Variants in SOD2 observed in about 807,000 individuals in gnomAD.
SOD2 encodes superoxide dismutase 2, also known as superoxide dismutase [Mn], mitochondrial.
In SOD2, 11 loss-of-function variants were observed where a neutral mutation model predicts 27.0. The ratio of observed to expected loss-of-function variants is 0.41; its 90% CI spans 0.26 to 0.67. SOD2 has a LOEUF of 0.67. SOD2 is among the 30% of genes least tolerant of loss of function. The probability of loss-of-function intolerance (pLI) is 0.34; values close to 1 mark genes in which losing one functional copy is unlikely to be tolerated. For missense variants in SOD2, 250 were observed against 274.5 expected (o/e 0.91, Z 0.63); for synonymous variants, 105 against 103.0 (o/e 1.02, Z -0.12).
rs1779814847 is a variant in SOD2 at position 159,677,929 on chromosome 6, CTCTAGGTAGCT to C, written c.*4553_*4563del. 6.6e-6 allele frequency: 1 copy of C among 152,148 alleles called. No individual in the cohort carries two copies. Among genetic ancestry groups the C allele is most frequent in the Non-Finnish European group, 1.5e-5 (1 of 68,042 alleles). The allele number at this position is 152,148 out of a possible 1,614,324, so 9.4% of individuals were successfully genotyped here. On this transcript the variant is annotated 3_prime_UTR_variant, in exon 5 of 5. Transcript: ENST00000538183. Reference sequence around the variant, plus strand: ...AATGAAATGATTGGTGGCTGGGAGCCTCTAGGTAGCTTCAGGACGGGGGGCTGCTTACCAGA... The same window carrying C: ...AATGAAATGATTGGTGGCTGGGAGCCTCAGGACGGGGGGCTGCTTACCAGA...
chr6:159,755,313 C>T, intron 1 of SOD2: 1 of 1,614,242 alleles, frequency 6.2e-7, no homozygotes, highest in Non-Finnish European at 8.5e-7. Flanking sequence ...GAGGGCAACA[C>T]AACCGAAGAT....
At chr6:159,684,787 TATTTC>T in intron 4 of SOD2, 62 bp downstream of exon 4, 4 of 1,273,944 alleles carry the variant, frequency 3.1e-6, no homozygotes, top group Non-Finnish European at 3.2e-6. Context: ...TAGTTTTCCT[TATTTC>T]TAGTTGAATG....
chr6:159,745,700 A>G (rs1328772490), upstream of SOD2, among the ~76,000 whole-genome samples: 2 of 152,170 alleles, frequency 1.3e-5, no homozygotes, highest in African/African-American at 4.8e-5. Context: ...TATGTGATGG[A>G]TCAGATTTAG....
chr6:159,737,412 G>C (rs561763933), intron 1 of SOD2, among the ~76,000 whole-genome samples: 2 of 152,170 alleles, frequency 1.3e-5, no homozygotes, highest in South Asian at 2.1e-4. Context: ...TATTTTACTG[G>C]TTAGTATTAT....
rs374382735 is a variant in SOD2 at position 159,711,954 on chromosome 6, T to C, written c.-116+15175A>G. ...ACAACCACCACTCACATTGCTCTGA[T>C]CACCATAACCACCTCCATAACCACC... On this transcript the variant is annotated intron_variant, in intron 1 of 2. Transcript: ENST00000401980. 4.6e-3 allele frequency among the ~76,000 whole-genome samples: 464 copies of C among 100,578 alleles called. 7 individuals are homozygous for C. The highest frequency in any genetic ancestry group is 8.4e-3 in the African/African-American group (218 of 26,056). The allele number at this position is 100,578 out of a possible 152,430, so 66.0% of individuals were successfully genotyped here. A position where few individuals can be genotyped will look rare whatever the true frequency, so the allele number is the denominator to read the frequency against.
chr6:159,690,363 G>A (rs1039256743), intron 2 of SOD2, among the ~76,000 whole-genome samples: 2 of 151,564 alleles, frequency 1.3e-5, no homozygotes, highest in Non-Finnish European at 2.9e-5. Flanking sequence ...CTGGAAGGCC[G>A]AGGTGCGTGG....
chr6:159,753,986 T>C (rs1233832627), intron 1 of SOD2, among the ~76,000 whole-genome samples: 3 of 152,212 alleles, frequency 2.0e-5, no homozygotes, highest in African/African-American at 7.2e-5. Context: ...ATGGGCAGTT[T>C]TCAGCGATCT....
chr6:159,688,342 C>T (rs1780291187), intron 2 of SOD2, 100 bp from the exon 3 acceptor site: 4 of 728,850 alleles, frequency 5.5e-6, no homozygotes, highest in African/African-American at 1.8e-5. Context: ...GATAATGGGA[C>T]CAGCTTATCT....
At chr6:159,741,443 A>G (rs1779249598) in intron 1 of SOD2, 1 of 152,208 alleles carries the variant, frequency 6.6e-6, no homozygotes, top group Admixed American at 6.5e-5. Flanking sequence ...ATTCTACATA[A>G]TGAGGCACAT....
At chr6:159,718,179 G>T (rs1314226088) in intron 1 of SOD2, among the ~76,000 whole-genome samples, 1 of 151,694 alleles carries the variant, frequency 6.6e-6, no homozygotes, top group Non-Finnish European at 1.5e-5. Flanking sequence ...TTTTGTAGAG[G>T]TGGGGTCTCA....
chr6:159,712,400 AC>A lies in SOD2; in HGVS notation c.-116+14728del, dbSNP rs774520130. 8.7e-4 allele frequency among the ~76,000 whole-genome samples: 84 copies of A among 96,064 alleles called. 1 individual carries two copies. The highest frequency in any genetic ancestry group is 1.1e-3 in the Non-Finnish European group (48 of 44,536). The allele number at this position is 96,064 out of a possible 152,430, so 63.0% of individuals were successfully genotyped here. On this transcript the variant is annotated intron_variant, in intron 1 of 2. Transcript: ENST00000401980. ...ATAACCACCTCCATAACCACCACTCACACTGCTCTGATCACCATAACCACCT... is the reference window on the plus strand; with the variant it reads ...ATAACCACCTCCATAACCACCACTCAACTGCTCTGATCACCATAACCACCT...
intron 4 of SOD2, 69 bp from the exon 5 acceptor site, chr6:159,682,707 C>T: frequency 6.8e-7 from 1 of 1,466,202 alleles, no homozygotes; most frequent in Middle Eastern, 1.8e-4. Flanking sequence ...TTCTCAATTT[C>T]AACTTTTATT....
At chr6:159,702,464 T>C (rs898372932) in intron 1 of SOD2, among the ~76,000 whole-genome samples, 1 of 151,176 alleles carries the variant, frequency 6.6e-6, no homozygotes, top group Non-Finnish European at 1.5e-5. Flanking sequence ...ACCCAGCTAA[T>C]TTTTGTATTT....
At position 159,674,621 on chromosome 6, in the gene SOD2, C is replaced by G. The variant is rs1779736864; in HGVS notation, c.*7872G>C. The G allele has an allele frequency of 1.3e-5, 2 of 152,204 alleles. No homozygotes were observed. Among genetic ancestry groups the G allele is most frequent in the South Asian group, 4.1e-4 (2 of 4,826 alleles). The allele number at this position is 152,204 out of a possible 1,614,324, so 9.4% of individuals were successfully genotyped here. A position where few individuals can be genotyped will look rare whatever the true frequency, so the allele number is the denominator to read the frequency against. ...TCAAAATAATAAGAGCTATCTATGACAAACCCACAGCCAATATCAGACTGA... is the reference window on the plus strand; with the variant it reads ...TCAAAATAATAAGAGCTATCTATGAGAAACCCACAGCCAATATCAGACTGA... On this transcript the variant is annotated 3_prime_UTR_variant, in exon 5 of 5. Coordinates refer to ENST00000538183, the MANE Select transcript of SOD2 (RefSeq NM_000636.4).
Position 159,726,966 on chromosome 6 carries a change from A to T in SOD2, c.-116+163T>A. 3 of 1,283,914 alleles carry T rather than the reference A, an allele frequency of 2.3e-6. No homozygotes were observed. The South Asian group carries it at 3.7e-5, about 16-fold the overall frequency. The allele number at this position is 1,283,914 out of a possible 1,614,324, so 79.5% of individuals were successfully genotyped here. A position where few individuals can be genotyped will look rare whatever the true frequency, so the allele number is the denominator to read the frequency against. On this transcript the variant is annotated intron_variant, in intron 1 of 2. Coordinates refer to the SOD2 transcript ENST00000401980. ...CATCACGGATGAGCGTCACGAACAC[A>T]GAGCGGCCAATCACGCGCCGCCTTC...
chr6:159,743,596 T>C (rs1456455846), intron 1 of SOD2: 23 of 1,423,988 alleles, frequency 1.6e-5, no homozygotes, highest in East Asian at 4.8e-5. Context: ...CTAGTTCTTA[T>C]TGTTCTTGAC....
chr6:159,724,538 T>C (rs529417105), intron 1 of SOD2, among the ~76,000 whole-genome samples: 8 of 152,136 alleles, frequency 5.3e-5, no homozygotes, highest in Admixed American at 3.9e-4. Flanking sequence ...CACCTATATG[T>C]GGATTTTTTT....
chr6:159,712,399 C>T (rs1412516219), intron 1 of SOD2, among the ~76,000 whole-genome samples: 1 of 106,884 alleles, frequency 9.4e-6, no homozygotes, highest in Non-Finnish European at 2.1e-5. Flanking sequence ...AACCACCACT[C>T]ACACTGCTCT....
Position 159,676,533 on chromosome 6 carries a change from T to C in SOD2, c.*5960A>G, listed in dbSNP as rs1779783963. On this transcript the variant is annotated 3_prime_UTR_variant, in exon 5 of 5. Coordinates refer to ENST00000538183, the MANE Select transcript of SOD2 (RefSeq NM_000636.4). ...AACACCGCATGTTCTCACTCATAGA[T>C]GGGAATTGAACAATGAGAACACTTG... 4 of 151,536 alleles carry C rather than the reference T, an allele frequency of 2.6e-5. No individual in the cohort carries two copies. The highest frequency in any genetic ancestry group is 2.0e-4 in the Admixed American group (3 of 15,194). The allele number at this position is 151,536 out of a possible 1,614,324, so 9.4% of individuals were successfully genotyped here.
Sources: gnomAD v4.1 joint callset for allele counts (sites outside exome capture counted in the v4.1 genomes callset) on GRCh38, gnomAD v4.1.1 for gene constraint, MANE v1.5 for transcripts, NCBI Gene and HGNC (gene_info 2026-07-23, HGNC 2026-07-21) for gene names.